Variants in NCOA3 observed in about 807,000 individuals in gnomAD.
The protein encoded by NCOA3 is nuclear receptor coactivator 3, also known as CBP-interacting protein.
A neutral mutation model predicts 158.8 loss-of-function variants in NCOA3; 51 were observed. The ratio of observed to expected loss-of-function variants is 0.32; its 90% CI spans 0.26 to 0.41. The LOEUF is 0.41. Among genes scored for constraint, NCOA3 ranks in the 10% least tolerant of loss-of-function variants. The pLI is 1.00. For missense variants in NCOA3, 1,510 were observed against 1,746.6 expected, an observed-to-expected ratio of 0.86 and a Z score of 2.41; for synonymous variants, 537 against 592.4, an observed-to-expected ratio of 0.91 and a Z score of 1.36.
intron 1 of NCOA3, among the ~76,000 whole-genome samples, chr20:47,545,202 A>C (rs1381381281): frequency 8.7e-6 from 1 of 114,770 alleles, no homozygotes; most frequent in Admixed American, 1.2e-4. Context: ...TTTGAGAAAG[A>C]GTCTCACTTT....
At chr20:47,548,058 C>G (rs1358893825) in intron 1 of NCOA3, among the ~76,000 whole-genome samples, 2 of 151,774 alleles carry the variant, frequency 1.3e-5, no homozygotes, top group Middle Eastern at 3.2e-3. Flanking sequence ...AGCTTCCCGT[C>G]TCTTTAGGCT....
chr20:47,647,656 T>G (rs538112001), intron 18 of NCOA3, among the ~76,000 whole-genome samples: 1 of 152,222 alleles, frequency 6.6e-6, no homozygotes, highest in South Asian at 2.1e-4. Flanking sequence ...AAGGTTTTTT[T>G]TGAAAAAAAT....
Position 47,652,421 on chromosome 20 carries a change from C to T in NCOA3, c.3962C>T (p.Pro1321Leu). Residue 1321 changes from proline (P) to leucine (L), a missense_variant, in exon 21 of 23, where the codon CCA (proline) becomes CTA (leucine). Physicochemically the swap from Pro to Leu is moderately conservative, Grantham distance 98. Coordinates refer to ENST00000371998, the MANE Select transcript of NCOA3 (RefSeq NM_181659.3). ...YQPNYGMGQQPDPAFGRVSSP... is the reference protein window; with the variant it reads ...YQPNYGMGQQLDPAFGRVSSP... ...TTTTTGTAAGGAATGGGACAACAAC[C>T]AGATCCAGCCTTTGGTCGAGTGTCT... is the stretch of plus-strand genomic sequence containing the variant. 1 of 1,601,244 alleles carries T rather than the reference C, an allele frequency of 6.2e-7. No homozygotes were observed. The highest frequency in any genetic ancestry group is 1.1e-5 in the South Asian group (1 of 90,502).
intron 22 of NCOA3, 114 bp from the exon 23 acceptor site, chr20:47,653,292 C>T (rs1446121778): frequency 1.5e-6 from 2 of 1,343,056 alleles, no homozygotes; most frequent in African/African-American, 2.9e-5. Context: ...ACCTGAATCA[C>T]TCAGCCAGAG....
At chr20:47,635,264 T>G in intron 10 of NCOA3, 58 bp from the exon 11 acceptor site, 1 of 1,480,182 alleles carries the variant, frequency 6.8e-7, no homozygotes, top group Admixed American at 2.2e-5. Context: ...TAAATCTGAT[T>G]AAAAGCTTTC....
intron 8 of NCOA3, among the ~76,000 whole-genome samples, chr20:47,629,878 A>G (rs1453072335): frequency 6.6e-6 from 1 of 152,250 alleles, no homozygotes; most frequent in East Asian, 1.9e-4. Flanking sequence ...AGTATATAAA[A>G]GTGATACATG....
At chr20:47,622,529 G>A (rs1374122005) in intron 3 of NCOA3, among the ~76,000 whole-genome samples, 199 bp downstream of exon 3, 1 of 152,074 alleles carries the variant, frequency 6.6e-6, no homozygotes, top group Non-Finnish European at 1.5e-5. Context: ...CATATAGAAG[G>A]TAGAATATTA....
intron 2 of NCOA3, among the ~76,000 whole-genome samples, chr20:47,587,620 T>C (rs1287278935): frequency 6.6e-6 from 1 of 152,220 alleles, no homozygotes; most frequent in Non-Finnish European, 1.5e-5. Flanking sequence ...AGATTACTTA[T>C]AAGAATCTAA....
chr20:47,591,043 G>C (rs1455391960), intron 2 of NCOA3, among the ~76,000 whole-genome samples: 1 of 152,164 alleles, frequency 6.6e-6, no homozygotes, highest in African/African-American at 2.4e-5. Flanking sequence ...CCAGGGGGCA[G>C]AGGCTGCAGT....
At chr20:47,592,999 TCTC>T (rs1411819559) in intron 2 of NCOA3, among the ~76,000 whole-genome samples, 2 of 151,600 alleles carry the variant, frequency 1.3e-5, no homozygotes, top group Non-Finnish European at 2.9e-5. Flanking sequence ...AGTAGTGTGA[TCTC>T]CTCTCACTAC....
At chr20:47,518,306 A>C (rs1453031448) in intron 1 of NCOA3, among the ~76,000 whole-genome samples, 1 of 151,856 alleles carries the variant, frequency 6.6e-6, no homozygotes, top group African/African-American at 2.4e-5. Context: ...TGATTTCACC[A>C]CTGTACTCCA....
chr20:47,651,402 CA>C (rs1214712053), intron 20 of NCOA3, 126 bp downstream of exon 20: 2 of 1,414,596 alleles, frequency 1.4e-6, no homozygotes, highest in African/African-American at 2.9e-5. Context: ...CAAGGAAAAC[CA>C]AATTAATTTA....
intron 1 of NCOA3, among the ~76,000 whole-genome samples, chr20:47,564,628 A>G (rs189564245): frequency 4.1e-4 from 62 of 151,780 alleles, no homozygotes; most frequent in Non-Finnish European, 6.0e-4. Context: ...ATTGGTATCT[A>G]CATCTTTTGT....
chr20:47,574,091 T>G (rs931270014), intron 1 of NCOA3, among the ~76,000 whole-genome samples: 5 of 152,278 alleles, frequency 3.3e-5, no homozygotes, highest in Middle Eastern at 6.8e-3. Flanking sequence ...AATTATGCTA[T>G]TAAGTTGTGT....
chr20:47,632,214 T>C (rs2086429859), intron 8 of NCOA3, among the ~76,000 whole-genome samples: 1 of 152,132 alleles, frequency 6.6e-6, no homozygotes, highest in Admixed American at 6.5e-5. Context: ...ACTGGTTTCT[T>C]ATGAAGGGTA....
intron 20 of NCOA3, among the ~76,000 whole-genome samples, chr20:47,652,051 AT>A (rs1209985878): frequency 6.6e-6 from 1 of 152,086 alleles, no homozygotes; most frequent in Non-Finnish European, 1.5e-5. Context: ...AAAGGTGTCT[AT>A]TGGGGAGCCC....
At chr20:47,620,980 T>A (rs928733371) in intron 2 of NCOA3, among the ~76,000 whole-genome samples, 3 of 152,236 alleles carry the variant, frequency 2.0e-5, no homozygotes, top group Non-Finnish European at 2.9e-5. Context: ...GATTGTGTGA[T>A]CTGACTGTGC....
At chr20:47,578,255 A>G (rs1205699297) in intron 1 of NCOA3, among the ~76,000 whole-genome samples, 1 of 151,392 alleles carries the variant, frequency 6.6e-6, no homozygotes, top group Non-Finnish European at 1.5e-5. Flanking sequence ...GCGCGATCTC[A>G]GCTCACTGCA....
At chr20:47,528,946 A>G (rs1249348956) in intron 1 of NCOA3, among the ~76,000 whole-genome samples, 2 of 151,686 alleles carry the variant, frequency 1.3e-5, no homozygotes, top group South Asian at 2.1e-4. Context: ...TTGTATTTTT[A>G]GTAGAGAAGG....
Sources: allele counts gnomAD v4.1 joint callset (sites outside exome capture counted in the v4.1 genomes callset), GRCh38; gene constraint gnomAD v4.1.1; transcripts MANE v1.5; gene names NCBI Gene and HGNC (gene_info 2026-07-23, HGNC 2026-07-21).